SPOCK3: variants seen among roughly 807,000 people sequenced by gnomAD.
SPOCK3 encodes the protein testican-3.
A neutral mutation model predicts 56.6 loss-of-function variants in SPOCK3; 30 were observed. The observed-to-expected ratio is 0.53, with a 90% CI of 0.40 to 0.72. The LOEUF (loss-of-function observed/expected upper bound fraction) is 0.72. Ranked by LOEUF, SPOCK3 falls within the 30% of genes least tolerant of loss-of-function variation. The pLI is 0.00. For missense variants in SPOCK3, 527 were observed against 530.0 expected, an observed-to-expected ratio of 0.99 and a Z score of 0.06; for synonymous variants, 196 against 183.3, an observed-to-expected ratio of 1.07 and a Z score of -0.56.
rs1436660858 is a variant in SPOCK3, at chr4:166,735,094, A to C, written c.1133-4T>G. Reference sequence around the variant, plus strand: ...CCGGAGATCTCAAAATCTATAGCTTAAAACAAGTGAAAGTAAACATAACCT... The same window carrying C: ...CCGGAGATCTCAAAATCTATAGCTTCAAACAAGTGAAAGTAAACATAACCT... On this transcript the variant is annotated splice_polypyrimidine_tract_variant and splice_region_variant and intron_variant, in intron 10 of 10. Transcript: ENST00000357545. The C allele has an allele frequency of 6.3e-7, 1 of 1,579,160 alleles. No individual in the cohort carries two copies. Among genetic ancestry groups the C allele is most frequent in the Non-Finnish European group, 8.6e-7 (1 of 1,159,578 alleles).
At chr4:167,039,212 C>A (rs1378285311) in intron 3 of SPOCK3, among the ~76,000 whole-genome samples, 1 of 152,304 alleles carries the variant, frequency 6.6e-6, no homozygotes, top group Non-Finnish European at 1.5e-5. Context: ...GTCTATCTGT[C>A]TTTTCTCCTT....
At chr4:166,895,726 A>T (rs1208698424) in intron 5 of SPOCK3, among the ~76,000 whole-genome samples, 1 of 152,230 alleles carries the variant, frequency 6.6e-6, no homozygotes, top group Admixed American at 6.5e-5. Flanking sequence ...CTATTTTTAT[A>T]ACCAAGATAC....
Position 166,961,764 on chromosome 4 carries a change from TC to T in SPOCK3, c.350+38584del, listed in dbSNP as rs377179279. On this transcript the variant is annotated intron_variant, in intron 4 of 10. Coordinates refer to ENST00000357545, the MANE Select transcript of SPOCK3 (RefSeq NM_001040159.2). ...CAAACAAACAAAAAAGTCAAAAACG[TC>T]AAAAATATTATTTTAATTGTTAAAC... Among the ~76,000 whole-genome samples the T allele has an allele frequency of 6.4e-4, 97 of 152,190 alleles. 2 individuals are homozygous for T. In the East Asian group the frequency reaches 9.8e-3, roughly 15 times the overall value.
intron 10 of SPOCK3, among the ~76,000 whole-genome samples, chr4:166,736,397 GT>G (rs1325089271): frequency 6.6e-6 from 1 of 152,022 alleles, no homozygotes; most frequent in Non-Finnish European, 1.5e-5. Flanking sequence ...TTCCCTATAT[GT>G]AAAATTTATG....
intron 6 of SPOCK3, among the ~76,000 whole-genome samples, chr4:166,825,710 T>C (rs987661724): frequency 2.6e-5 from 4 of 152,096 alleles, no homozygotes. Flanking sequence ...CAGGATGGAA[T>C]ATGATTCAGC....
At chr4:167,065,746 T>A (rs1756062005) in intron 2 of SPOCK3, among the ~76,000 whole-genome samples, 1 of 151,892 alleles carries the variant, frequency 6.6e-6, no homozygotes, top group African/African-American at 2.4e-5. Context: ...GGATGAGAAA[T>A]AAAAGTATTT....
At position 166,762,561 on chromosome 4, in the gene SPOCK3, C is replaced by T. The variant is rs142217418; in HGVS notation, c.710-7832G>A. 3.3e-3 allele frequency among the ~76,000 whole-genome samples: 496 copies of T among 152,148 alleles called. 3 individuals are homozygous for T. The highest frequency in any genetic ancestry group is 0.011 in the African/African-American group (455 of 41,534). On this transcript the variant is annotated intron_variant, in intron 7 of 10. Transcript: ENST00000357545. ...TGGGATTCAACCAATTCTGAAAGCT[C>T]AGACTCAGTTTGGAGGATGCAGAAG... is the stretch of plus-strand genomic sequence containing the variant.
rs147510343 is a variant in SPOCK3, at chr4:166,942,033, AT to A, written c.351-29291del. Reference sequence around the variant, plus strand: ...TTTTCCAGTAATTTGTTATACAGAAATAAAAAAAACTGTTATAATGCCATTT... The same window carrying A: ...TTTTCCAGTAATTTGTTATACAGAAAAAAAAAAACTGTTATAATGCCATTT... On this transcript the variant is annotated intron_variant, in intron 4 of 10. Coordinates refer to ENST00000357545, the MANE Select transcript of SPOCK3 (RefSeq NM_001040159.2). Among the ~76,000 whole-genome samples, 379 of 152,280 alleles carry A rather than the reference AT, an allele frequency of 2.5e-3. 5 individuals carry two copies. Among genetic ancestry groups the A allele is most frequent in the East Asian group, 0.022 (112 of 5,188 alleles).
At chr4:166,750,149 A>G (rs962320159) in intron 8 of SPOCK3, among the ~76,000 whole-genome samples, 1 of 152,120 alleles carries the variant, frequency 6.6e-6, no homozygotes, top group Non-Finnish European at 1.5e-5. Flanking sequence ...AGTATATATA[A>G]TATTTGATTT....
intron 2 of SPOCK3, among the ~76,000 whole-genome samples, chr4:167,141,746 A>T (rs1053615495): frequency 1.3e-5 from 2 of 152,048 alleles, no homozygotes; most frequent in Non-Finnish European, 2.9e-5. Context: ...TCTGAATAAA[A>T]GTACAGGATA....
chr4:166,857,975 T>C (rs934904057), intron 6 of SPOCK3, among the ~76,000 whole-genome samples: 5 of 152,332 alleles, frequency 3.3e-5, no homozygotes, highest in African/African-American at 1.2e-4. Flanking sequence ...AAACTAACCC[T>C]GGCCAATTCT....
chr4:167,042,965 A>T (rs1463025477), intron 3 of SPOCK3, among the ~76,000 whole-genome samples: 3 of 152,052 alleles, frequency 2.0e-5, no homozygotes, highest in Non-Finnish European at 4.4e-5. Context: ...AGATGGTGGA[A>T]TTTTGGTGAG....
At chr4:167,169,048 G>C (rs1211591173) in intron 2 of SPOCK3, among the ~76,000 whole-genome samples, 1 of 152,182 alleles carries the variant, frequency 6.6e-6, no homozygotes, top group East Asian at 1.9e-4. Flanking sequence ...AATGAGGTTT[G>C]GAAACCTCTG....
intron 6 of SPOCK3, among the ~76,000 whole-genome samples, chr4:166,828,978 A>T (rs1378998675): frequency 6.6e-6 from 1 of 152,030 alleles, no homozygotes; most frequent in Non-Finnish European, 1.5e-5. Context: ...AAATAATTTT[A>T]TCTGAAATAT....
intron 6 of SPOCK3, among the ~76,000 whole-genome samples, chr4:166,807,606 G>A (rs1743315434): frequency 6.6e-6 from 1 of 152,112 alleles, no homozygotes; most frequent in Non-Finnish European, 1.5e-5. Flanking sequence ...CAGAGTGAAG[G>A]AGGCACTCAA....
At chr4:166,774,321 G>C (rs893516507) in intron 7 of SPOCK3, among the ~76,000 whole-genome samples, 1 of 152,146 alleles carries the variant, frequency 6.6e-6, no homozygotes. Flanking sequence ...ACTTTGTGCT[G>C]TATGGGCCTA....
intron 6 of SPOCK3, among the ~76,000 whole-genome samples, chr4:166,825,429 C>A (rs1464376591): frequency 6.6e-6 from 1 of 152,010 alleles, no homozygotes; most frequent in Non-Finnish European, 1.5e-5. Context: ...CAATTTTACA[C>A]CGCTGGTAGG....
intron 4 of SPOCK3, among the ~76,000 whole-genome samples, chr4:166,929,444 T>A (rs1333219598): frequency 6.6e-6 from 1 of 152,212 alleles, no homozygotes; most frequent in Admixed American, 6.5e-5. Context: ...AGATTGTAGA[T>A]CAATGTTATT....
intron 6 of SPOCK3, among the ~76,000 whole-genome samples, chr4:166,796,957 A>G (rs1579254530): frequency 6.6e-6 from 1 of 152,174 alleles, no homozygotes; most frequent in Admixed American, 6.5e-5. Context: ...TCCAAAGTAC[A>G]TGTCTCTCAG....
Sources: allele counts gnomAD v4.1 joint callset (sites outside exome capture counted in the v4.1 genomes callset), GRCh38; gene constraint gnomAD v4.1.1; transcripts MANE v1.5; gene names NCBI Gene and HGNC (gene_info 2026-07-23, HGNC 2026-07-21).